Variants in ZNF713 observed in about 807,000 individuals in gnomAD.
ZNF713 encodes zinc finger protein 713.
In ZNF713, 21 loss-of-function variants were observed where a neutral mutation model predicts 28.7. The ratio of observed to expected loss-of-function variants is 0.73; its 90% confidence interval spans 0.52 to 1.05. The LOEUF is 1.05. Among genes scored for constraint, ZNF713 ranks in the 50% least tolerant of loss-of-function variants. The pLI, the probability that ZNF713 is intolerant of heterozygous loss-of-function variation, is 0.00. For missense variants in ZNF713, 458 were observed against 532.4 expected (o/e 0.86, Z 1.37); for synonymous variants, 167 against 178.0 (o/e 0.94, Z 0.49).
intron 1 of ZNF713, among the ~76,000 whole-genome samples, 178 bp downstream of exon 1, chr7:55,887,858 CGGCG>C (rs1785299128): frequency 2.1e-4 from 1 of 4,812 alleles, no homozygotes; most frequent in African/African-American, 1.5e-3. Context: ...CGGCGGCGGG[CGGCG>C]GGCGGCGGCG....
intron 1 of ZNF713, among the ~76,000 whole-genome samples, chr7:55,903,289 T>C (rs1197094891): frequency 2.0e-5 from 3 of 152,056 alleles, no homozygotes; most frequent in Admixed American, 6.6e-5. Flanking sequence ...TAGACCAGGT[T>C]CCTACCGTCA....
chr7:55,918,959 A>G (rs1785935109), intron 4 of ZNF713, among the ~76,000 whole-genome samples: 1 of 151,948 alleles, frequency 6.6e-6, no homozygotes, highest in African/African-American at 2.4e-5. Context: ...GCACCACTGC[A>G]CTCCAGCCTG....
Position 55,938,902 on chromosome 7 carries a change from G to A in ZNF713, c.308-80G>A, listed in dbSNP as rs565326887. The stretch of plus-strand genomic sequence containing the variant: ...TACTGTCAGTTTTATTTGGTAATTC[G>A]CTGTGCAACAATTTCTTTTTCAAAT... On this transcript the variant is annotated intron_variant, in intron 6 of 6. Transcript: ENST00000429591. 2.0e-5 allele frequency: 28 copies of A among 1,409,476 alleles called. No individual in the cohort carries two copies. In the East Asian group the frequency reaches 3.4e-4, roughly 17 times the overall value. The allele number at this position is 1,409,476 out of a possible 1,614,324, so 87.3% of individuals were successfully genotyped here.
At chr7:55,923,326 CGTGGGTTTATT>C in intron 5 of ZNF713, 38 bp downstream of exon 5, 2 of 1,580,762 alleles carry the variant, frequency 1.3e-6, no homozygotes, top group Non-Finnish European at 1.7e-6. Flanking sequence ...AAGCCGTTCA[CGTGGGTTTATT>C]TCCTGAACTA....
chr7:55,890,707 A>T (rs1293294304), intron 1 of ZNF713, among the ~76,000 whole-genome samples: 3 of 152,148 alleles, frequency 2.0e-5, no homozygotes, highest in African/African-American at 7.2e-5. Flanking sequence ...CTGGTATCAC[A>T]GATACACAGG....
chr7:55,916,990 A>G (rs1785891683), intron 4 of ZNF713, among the ~76,000 whole-genome samples: 1 of 151,640 alleles, frequency 6.6e-6, no homozygotes, highest in Non-Finnish European at 1.5e-5. Flanking sequence ...CTAGGTGGGC[A>G]GATCACAAGG....
intron 6 of ZNF713, among the ~76,000 whole-genome samples, chr7:55,933,980 C>T (rs888748963): frequency 1.3e-5 from 2 of 152,190 alleles, no homozygotes; most frequent in Admixed American, 6.5e-5. Context: ...GCTGGGATTA[C>T]AGGCAAGAGC....
chr7:55,913,066 G>A (rs1785814231), intron 4 of ZNF713, among the ~76,000 whole-genome samples: 2 of 152,082 alleles, frequency 1.3e-5, no homozygotes, highest in South Asian at 2.1e-4. Context: ...GACTGATGCC[G>A]AGGCCCCTAG....
Position 55,939,577 on chromosome 7 carries a change from C to T in ZNF713, c.903C>T (p.Leu301=), listed in dbSNP as rs777856802. 1.1e-5 allele frequency: 17 copies of T among 1,613,946 alleles called. No individual in the cohort carries two copies. Among genetic ancestry groups the T allele is most frequent in the Non-Finnish European group, 1.2e-5 (14 of 1,180,024 alleles). The change falls in exon 7 of 7, where the codon CTC becomes CTT. Residue 301 remains leucine (L), a synonymous_variant. Coordinates refer to ENST00000429591, the MANE Select transcript of ZNF713 (RefSeq NM_182633.3). ...CGKRFSQRIH[L]IQHQRIHTGE... is the part of the protein sequence containing the mutation. ...AAAGATTCAGCCAGAGGATACATCTCATTCAACATCAGAGAATTCACACAG... is the reference window on the plus strand; with the variant it reads ...AAAGATTCAGCCAGAGGATACATCTTATTCAACATCAGAGAATTCACACAG...
rs967346091 is a variant in ZNF713 at position 55,940,280 on chromosome 7, G to A, written c.*274G>A. 2.4e-5 allele frequency: 12 copies of A among 490,250 alleles called. No individual in the cohort carries two copies. Among genetic ancestry groups the A allele is most frequent in the East Asian group, 2.0e-4 (3 of 14,710 alleles). The allele number at this position is 490,250 out of a possible 1,614,324, so 30.4% of individuals were successfully genotyped here. ...TGGGACCACAGGTATGCACCACCACGCCCAGCTAATTTTTTGTATTTTTAG... is the reference window on the plus strand; with the variant it reads ...TGGGACCACAGGTATGCACCACCACACCCAGCTAATTTTTTGTATTTTTAG... On this transcript the variant is annotated 3_prime_UTR_variant, in exon 7 of 7. Coordinates refer to ENST00000429591, the MANE Select transcript of ZNF713 (RefSeq NM_182633.3).
intron 1 of ZNF713, among the ~76,000 whole-genome samples, chr7:55,890,665 G>T (rs1455340318): frequency 1.3e-5 from 2 of 152,050 alleles, no homozygotes; most frequent in South Asian, 4.1e-4. Context: ...TCCCTTAAGA[G>T]AATTCTAAAT....
chr7:55,935,688 T>C (rs1786330781), intron 6 of ZNF713, among the ~76,000 whole-genome samples: 1 of 152,128 alleles, frequency 6.6e-6, no homozygotes, highest in Non-Finnish European at 1.5e-5. Flanking sequence ...GCGCGGTGGC[T>C]CACGCCTGTA....
chr7:55,924,172 C>A (rs1786050812), intron 6 of ZNF713: 1 of 154,050 alleles, frequency 6.5e-6, no homozygotes, highest in Non-Finnish European at 1.4e-5. Context: ...AAACTCTTGA[C>A]ACTTGTATAC....
At chr7:55,935,376 A>T (rs1292390277) in intron 6 of ZNF713, among the ~76,000 whole-genome samples, 1 of 152,106 alleles carries the variant, frequency 6.6e-6, no homozygotes, top group Non-Finnish European at 1.5e-5. Flanking sequence ...ACCTATATAT[A>T]TATATACTCA....
At chr7:55,889,597 A>G (rs1403199310) in intron 1 of ZNF713, among the ~76,000 whole-genome samples, 4 of 152,246 alleles carry the variant, frequency 2.6e-5, no homozygotes, top group Non-Finnish European at 4.4e-5. Flanking sequence ...CCCTGCCGCC[A>G]TCAGGAAAAT....
At chr7:55,893,039 C>G (rs1336311424) in intron 1 of ZNF713, among the ~76,000 whole-genome samples, 1 of 151,810 alleles carries the variant, frequency 6.6e-6, no homozygotes. Context: ...GCCGCCACCA[C>G]GCCCGGCTAA....
intron 1 of ZNF713, among the ~76,000 whole-genome samples, chr7:55,899,082 G>A (rs1034676008): frequency 1.3e-5 from 2 of 152,234 alleles, no homozygotes; most frequent in Admixed American, 1.3e-4. Flanking sequence ...GGCCAGGCAC[G>A]GTGGTTCATG....
In ZNF713 at chr7:55,933,929, C is replaced by T. The variant is rs1373208168; in HGVS notation, c.308-5053C>T. ...CCATGTTGCCCAGGCTGGTCTTGAG[C>T]TCCTGGGCTCAAGCATTTGCCCACC... On this transcript the variant is annotated intron_variant, in intron 6 of 6. Coordinates refer to ENST00000429591, the MANE Select transcript of ZNF713 (RefSeq NM_182633.3). Among the ~76,000 whole-genome samples the T allele has an allele frequency of 3.3e-5, 5 of 151,938 alleles. No individual in the cohort carries two copies. In the South Asian group the frequency reaches 1.0e-3, roughly 31 times the overall value.
chr7:55,906,268 C>T lies in ZNF713; in HGVS notation c.-567C>T, dbSNP rs1785676975. On this transcript the variant is annotated 5_prime_UTR_variant, in exon 2 of 7. Coordinates refer to ENST00000429591, the MANE Select transcript of ZNF713 (RefSeq NM_182633.3). ...TTCCTTTTAGGTCAACATACCTGGC[C>T]TAAGGAGGCAGGATTGAGTGACTCT... 6.6e-6 allele frequency: 1 copy of T among 152,120 alleles called. No homozygotes were observed. Among genetic ancestry groups the T allele is most frequent in the South Asian group, 2.1e-4 (1 of 4,828 alleles). The allele number at this position is 152,120 out of a possible 1,614,324, so 9.4% of individuals were successfully genotyped here.
Sources: gnomAD v4.1 joint callset for allele counts (sites outside exome capture counted in the v4.1 genomes callset) on GRCh38, gnomAD v4.1.1 for gene constraint, MANE v1.5 for transcripts, NCBI Gene and HGNC (gene_info 2026-07-23, HGNC 2026-07-21) for gene names.